The following PRRC2B variants were observed in gnomAD, a reference collection of about 807,000 sequenced individuals.
PRRC2B encodes the protein protein PRRC2B.
Under a neutral mutation model 242.3 loss-of-function variants are expected in PRRC2B, and 68 were observed. The observed-to-expected ratio is 0.28, with a 90% CI of 0.23 to 0.34. The LOEUF (loss-of-function observed/expected upper bound fraction) is 0.34, where lower values mean the gene tolerates loss of function less well. Ranked by LOEUF, PRRC2B falls within the 10% of genes least tolerant of loss-of-function variation. The pLI, the probability that PRRC2B is intolerant of heterozygous loss-of-function variation, is 1.00. For synonymous variants in PRRC2B, 1,228 were observed against 1,173.6 expected, an observed-to-expected ratio of 1.05 and a Z score of -0.95; for missense variants, 2,835 against 2,954.8, an observed-to-expected ratio of 0.96 and a Z score of 0.94.
In PRRC2B at chr9:131,495,773, G is replaced by A; in HGVS notation, c.6589G>A (p.Gly2197Arg). Residue 2197 changes from glycine (G) to arginine (R), a missense_variant, in exon 32 of 32, where the codon GGA becomes AGA. Coordinates refer to ENST00000683519, the MANE Select transcript of PRRC2B (RefSeq NM_013318.4). Reference sequence around the variant, plus strand: ...ACGAGTGGATGAGAAACCCAGCCTGGGAGCCGTGAAGCTGCAGGAGGCCCC... The same window carrying A: ...ACGAGTGGATGAGAAACCCAGCCTGAGAGCCGTGAAGCTGCAGGAGGCCCC... The part of the protein sequence containing the change: ...KQRVDEKPSL[G>R]AVKLQEAPSA... 1 of 1,612,732 alleles carries A rather than the reference G, an allele frequency of 6.2e-7. No individual in the cohort carries two copies.
intron 9 of PRRC2B, among the ~76,000 whole-genome samples, chr9:131,449,921 G>A (rs568963392): frequency 1.3e-5 from 2 of 152,290 alleles, no homozygotes; most frequent in South Asian, 2.1e-4. Flanking sequence ...TAGGAGTCAA[G>A]GTTTGTTTTT....
At chr9:131,459,036 G>A in intron 10 of PRRC2B, 128 bp from the exon 11 acceptor site, 1 of 733,338 alleles carries the variant, frequency 1.4e-6, no homozygotes, top group South Asian at 1.7e-5. Flanking sequence ...TAGTGGGAGT[G>A]GTGGTCCATT....
rs775053730 is a variant in PRRC2B at position 131,479,289 on chromosome 9, C to T, written c.4796C>T (p.Pro1599Leu). The T allele has an allele frequency of 6.2e-7, 1 of 1,613,868 alleles. No homozygotes were observed. The highest frequency in any genetic ancestry group is 8.5e-7 in the Non-Finnish European group (1 of 1,179,832). The change falls in exon 19 of 32, where the codon CCT becomes CTT. Residue 1599 changes from proline (P) to leucine (L), a missense_variant. Pro to Leu is a moderately conservative substitution (Grantham distance 98). This residue lies in a region of PRRC2B where 1,536 missense variants were observed against 1,483.1 expected (regional missense o/e 1.04). Coordinates refer to ENST00000683519, the MANE Select transcript of PRRC2B (RefSeq NM_013318.4). ...GGTCGAGGCCTTTCCTCCCGTATTC[C>T]TCCTCGATTTGCAAAAAAGCAGAAC... is the stretch of plus-strand genomic sequence containing the variant. ...VKGRGLSSRIPPRFAKKQNNL... is the reference protein window; with the variant it reads ...VKGRGLSSRILPRFAKKQNNL...
At chr9:131,406,062 G>C (rs949369263) in intron 1 of PRRC2B, among the ~76,000 whole-genome samples, 4 of 152,176 alleles carry the variant, frequency 2.6e-5, no homozygotes, top group African/African-American at 9.7e-5. Flanking sequence ...ATAGACCGCA[G>C]CTATTAATGG....
At chr9:131,411,326 TTTTTG>T (rs1157049984) in intron 1 of PRRC2B, among the ~76,000 whole-genome samples, 7 of 142,086 alleles carry the variant, frequency 4.9e-5, no homozygotes, top group Non-Finnish European at 7.5e-5. Flanking sequence ...TTTGTTTGTT[TTTTTG>T]TTTTGTTTTG....
intron 15 of PRRC2B, 133 bp from the exon 16 acceptor site, chr9:131,474,321 T>C (rs765121463): frequency 2.6e-6 from 2 of 776,310 alleles, no homozygotes; most frequent in Non-Finnish European, 4.0e-6. Flanking sequence ...GTTTTGTTTT[T>C]CTAGCTTTCT....
At chr9:131,488,996 C>T (rs554520537) in intron 28 of PRRC2B, among the ~76,000 whole-genome samples, 2 of 152,176 alleles carry the variant, frequency 1.3e-5, no homozygotes, top group Admixed American at 1.3e-4. Context: ...GGACCCTGTC[C>T]ATGCAGTTTG....
upstream of PRRC2B, among the ~76,000 whole-genome samples, chr9:131,393,209 A>C (rs1836934812): frequency 3.9e-5 from 6 of 152,166 alleles, no homozygotes; most frequent in South Asian, 1.0e-3. Flanking sequence ...AGTGAGACAA[A>C]CCACGTGCTT....
chr9:131,432,044 T>C (rs1484494833), intron 2 of PRRC2B, among the ~76,000 whole-genome samples: 1 of 152,184 alleles, frequency 6.6e-6, no homozygotes, highest in Non-Finnish European at 1.5e-5. Context: ...TCTACCCACC[T>C]CGGCCTCCCA....
intron 1 of PRRC2B, among the ~76,000 whole-genome samples, chr9:131,413,303 A>G (rs1837552971): frequency 6.6e-6 from 1 of 152,210 alleles, no homozygotes; most frequent in Admixed American, 6.6e-5. Flanking sequence ...CGGGACAGAT[A>G]CAGAATGTGA....
chr9:131,489,052 T>C (rs1169613656), intron 28 of PRRC2B, among the ~76,000 whole-genome samples: 1 of 152,164 alleles, frequency 6.6e-6, no homozygotes, highest in African/African-American at 2.4e-5. Context: ...GCCCCTGCTC[T>C]GTGCACTCCT....
intron 12 of PRRC2B, 126 bp from the exon 13 acceptor site, chr9:131,467,437 C>T (rs1447461597): frequency 2.4e-6 from 2 of 824,878 alleles, no homozygotes; most frequent in Non-Finnish European, 1.9e-6. Context: ...GGCCAGGGTT[C>T]AGGGACGTGA....
intron 9 of PRRC2B, among the ~76,000 whole-genome samples, chr9:131,454,257 C>A (rs978728018): frequency 2.6e-5 from 4 of 152,196 alleles, no homozygotes; most frequent in Admixed American, 6.5e-5. Flanking sequence ...ACACTGTGTT[C>A]ACACAGTCCT....
chr9:131,428,786 T>C (rs1588244695), intron 1 of PRRC2B, among the ~76,000 whole-genome samples: 1 of 152,248 alleles, frequency 6.6e-6, no homozygotes, highest in African/African-American at 2.4e-5. Context: ...ACCTCAGCCT[T>C]CCTGAGTAGC....
intron 1 of PRRC2B, among the ~76,000 whole-genome samples, chr9:131,398,872 G>A (rs1837140405): frequency 6.6e-6 from 1 of 152,160 alleles, no homozygotes; most frequent in Non-Finnish European, 1.5e-5. Context: ...TAACTACTTG[G>A]GAGGCTGAAG....
Position 131,475,946 on chromosome 9 carries a change from G to T in PRRC2B, c.3817G>T (p.Asp1273Tyr), listed in dbSNP as rs201425705. The T allele has an allele frequency of 2.7e-4, 438 of 1,613,848 alleles. No individual in the cohort carries two copies. The highest frequency in any genetic ancestry group is 8.2e-4 in the Middle Eastern group (5 of 6,062). The change falls in exon 16 of 32, where the codon GAC becomes TAC. Residue 1273 changes from aspartate to tyrosine, a missense_variant. By Grantham distance (160) the Asp-to-Tyr change is radical. Transcript: ENST00000683519. ...PDAFGGRGFE[D>Y]SRAEDKRSFF... ...CGCATTTGGTGGCCGGGGCTTTGAG[G>T]ACAGCCGCGCGGAGGACAAGAGATC...
At chr9:131,410,923 C>T (rs1051211453) in intron 1 of PRRC2B, among the ~76,000 whole-genome samples, 4 of 151,098 alleles carry the variant, frequency 2.6e-5, no homozygotes, top group South Asian at 2.1e-4. Context: ...CATTTTTTTT[C>T]GTTAGGAATT....
chr9:131,414,075 AAGAT>A (rs1408878204), intron 1 of PRRC2B, among the ~76,000 whole-genome samples: 4 of 152,218 alleles, frequency 2.6e-5, no homozygotes, highest in Admixed American at 6.5e-5. Flanking sequence ...TGTTGCCAAA[AAGAT>A]AGACAAATAG....
At chr9:131,381,777 T>C (rs942895624) in intron 1 of PRRC2B, among the ~76,000 whole-genome samples, 3 of 151,992 alleles carry the variant, frequency 2.0e-5, no homozygotes, top group African/African-American at 7.3e-5. Flanking sequence ...TCTCGCTCTG[T>C]CCCCCAGGCT....
Sources: gnomAD v4.1 joint callset for allele counts (sites outside exome capture counted in the v4.1 genomes callset) on GRCh38, gnomAD v4.1.1 for gene constraint, gnomAD v4.1.1 regional missense constraint, MANE v1.5 for transcripts, NCBI Gene and HGNC (gene_info 2026-07-23, HGNC 2026-07-21) for gene names.